GPC6: variants seen among roughly 807,000 people sequenced by gnomAD.
GPC6 encodes glypican 6, also known as glypican-6.
A neutral mutation model predicts 55.2 loss-of-function variants in GPC6; 14 were observed. The observed-to-expected ratio is 0.25, with a 90% confidence interval of 0.17 to 0.40. The LOEUF (loss-of-function observed/expected upper bound fraction) is 0.40, where lower values mean the gene tolerates loss of function less well. Among genes scored for constraint, GPC6 ranks in the 10% least tolerant of loss-of-function variants. The pLI, the probability that GPC6 is intolerant of heterozygous loss-of-function variation, is 1.00. For synonymous variants in GPC6, 278 were observed against 259.6 expected (o/e 1.07, Z -0.68); for missense variants, 641 against 708.5 (o/e 0.90, Z 1.08).
At position 93,227,667 on chromosome 13, in the gene GPC6, G is replaced by T. The variant is rs376397086; in HGVS notation, c.160+51G>T. The T allele has an allele frequency of 4.1e-6, 6 of 1,468,316 alleles. No homozygotes were observed. In the African/African-American group the frequency reaches 8.4e-5, roughly 20 times the overall value. 91.0% of individuals were successfully genotyped at this position (1,468,316 alleles called of 1,614,324 possible). On this transcript the variant is annotated intron_variant, in intron 1 of 8. Transcript: ENST00000377047. The surrounding 1 kb of genome is among the most constrained non-coding windows in gnomAD (Gnocchi z 4.3). Reference sequence around the variant, plus strand: ...AGGCTGCAGCCCTCGGCTGCCGCACGTCCCACTGGCCGCCCGGCGTCCCCT... The same window carrying T: ...AGGCTGCAGCCCTCGGCTGCCGCACTTCCCACTGGCCGCCCGGCGTCCCCT...
chr13:93,405,505 A>G (rs1876252519), intron 1 of GPC6, among the ~76,000 whole-genome samples: 1 of 152,174 alleles, frequency 6.6e-6, no homozygotes, highest in Admixed American at 6.6e-5. Context: ...TCCAGGTGGA[A>G]TGTTCTTAGT....
At chr13:93,348,753 C>T in intron 1 of GPC6, among the ~76,000 whole-genome samples, 1 of 152,138 alleles carries the variant, frequency 6.6e-6, no homozygotes, top group East Asian at 1.9e-4. Flanking sequence ...AACATTCTGT[C>T]ATACTAACTT....
chr13:94,159,202 T>G (rs563569686), intron 4 of GPC6, among the ~76,000 whole-genome samples: 1 of 152,150 alleles, frequency 6.6e-6, no homozygotes, highest in Non-Finnish European at 1.5e-5. Context: ...ATATCACTCA[T>G]TCTTTCTGAG....
chr13:94,115,784 A>C (rs150629159), intron 4 of GPC6, among the ~76,000 whole-genome samples: 268 of 152,240 alleles, frequency 1.8e-3, no homozygotes, highest in African/African-American at 6.3e-3. Context: ...AAACTGTAAA[A>C]ATTAGACATT....
intron 4 of GPC6, among the ~76,000 whole-genome samples, chr13:94,202,125 A>G (rs1889771321): frequency 6.6e-6 from 1 of 152,154 alleles, no homozygotes; most frequent in Non-Finnish European, 1.5e-5. Flanking sequence ...TACTCCTCAA[A>G]TGGATCATAA....
In GPC6 at chr13:94,201,589, A is replaced by T. The variant is rs180755624; in HGVS notation, c.878-84760A>T. On this transcript the variant is annotated intron_variant, in intron 4 of 8. Coordinates refer to ENST00000377047, the MANE Select transcript of GPC6 (RefSeq NM_005708.5). ...ATAAAATTAACAAATATATGTCATG[A>T]TCACCTAAATACTTGCATTTGGAAG... is the stretch of plus-strand genomic sequence containing the variant. Among the ~76,000 whole-genome samples the T allele has an allele frequency of 6.6e-5, 10 of 152,302 alleles. No individual in the cohort carries two copies. In the South Asian group the frequency reaches 1.4e-3, roughly 22 times the overall value.
At chr13:93,745,078 TCA>T (rs1341843355) in intron 2 of GPC6, among the ~76,000 whole-genome samples, 2 of 152,090 alleles carry the variant, frequency 1.3e-5, no homozygotes, top group Admixed American at 1.3e-4. Context: ...TTCCCCAGGC[TCA>T]CAGGTGAGTC....
chr13:93,676,513 C>T (rs941371286), intron 2 of GPC6, among the ~76,000 whole-genome samples: 17 of 152,034 alleles, frequency 1.1e-4, no homozygotes, highest in Non-Finnish European at 2.2e-4. Flanking sequence ...AGCTTGTGGG[C>T]AACTGAGGTA....
intron 3 of GPC6, among the ~76,000 whole-genome samples, chr13:93,895,234 GTATATATATATATA>G (rs60375718): frequency 0.052 from 5,680 of 108,244 alleles, 913 homozygotes; most frequent in African/African-American, 0.19. Flanking sequence ...GTGTGTGTGT[GTATATATATATATA>G]TATATATATA....
intron 4 of GPC6, among the ~76,000 whole-genome samples, chr13:94,275,340 T>C (rs895931896): frequency 5.3e-5 from 8 of 152,148 alleles, no homozygotes; most frequent in African/African-American, 1.9e-4. Context: ...AAAGCTTTTC[T>C]GAGACAGGGC....
chr13:93,737,718 A>G (rs899622569), intron 2 of GPC6, among the ~76,000 whole-genome samples: 1 of 152,002 alleles, frequency 6.6e-6, no homozygotes, highest in African/African-American at 2.4e-5. Flanking sequence ...AACAAATATA[A>G]TTTTTTATAA....
intron 4 of GPC6, among the ~76,000 whole-genome samples, chr13:94,111,140 T>A (rs1232967150): frequency 6.6e-6 from 1 of 152,142 alleles, no homozygotes; most frequent in Non-Finnish European, 1.5e-5. Flanking sequence ...TCTCTAAATA[T>A]CCTATTCATA....
At chr13:93,489,905 A>G (rs113341697) in intron 1 of GPC6, among the ~76,000 whole-genome samples, 5 of 151,592 alleles carry the variant, frequency 3.3e-5, no homozygotes, top group African/African-American at 1.2e-4. Context: ...CAATCATGTC[A>G]TCTGCAAACA....
chr13:93,505,472 GAGAA>G (rs1214505897), intron 1 of GPC6, among the ~76,000 whole-genome samples: 9 of 152,078 alleles, frequency 5.9e-5, no homozygotes, highest in African/African-American at 1.9e-4. Context: ...GAGAGAGAGA[GAGAA>G]AGAGAGATTA....
At chr13:93,373,255 C>T (rs1024666023) in intron 1 of GPC6, among the ~76,000 whole-genome samples, 1 of 152,098 alleles carries the variant, frequency 6.6e-6, no homozygotes, top group African/African-American at 2.4e-5. Flanking sequence ...GTTAATGCTT[C>T]GGTCTTTTTC....
chr13:93,304,853 TA>T (rs1296500176), intron 1 of GPC6, among the ~76,000 whole-genome samples: 1 of 152,158 alleles, frequency 6.6e-6, no homozygotes, highest in Non-Finnish European at 1.5e-5. Flanking sequence ...GGATTCTGAT[TA>T]AAATTGGCTG....
intron 2 of GPC6, among the ~76,000 whole-genome samples, chr13:93,786,775 CAGA>C (rs1248482896): frequency 1.3e-5 from 2 of 150,730 alleles, no homozygotes; most frequent in Non-Finnish European, 3.0e-5. Context: ...TATATATATG[CAGA>C]AGAAGAAGAG....
chr13:93,712,498 T>C (rs1347138173), intron 2 of GPC6, among the ~76,000 whole-genome samples: 1 of 151,696 alleles, frequency 6.6e-6, no homozygotes, highest in Non-Finnish European at 1.5e-5. Context: ...TAAGTGATAA[T>C]AATCTGATCA....
chr13:94,359,284 G>A (rs1182237419), intron 6 of GPC6, among the ~76,000 whole-genome samples: 1 of 151,096 alleles, frequency 6.6e-6, no homozygotes, highest in Non-Finnish European at 1.5e-5. Flanking sequence ...TCAAAAGACT[G>A]TTTAACTTTC....
Sources: gnomAD v4.1 joint callset for allele counts (sites outside exome capture counted in the v4.1 genomes callset) on GRCh38, gnomAD v4.1.1 for gene constraint, Gnocchi (gnomAD v3.1) non-coding constraint, MANE v1.5 for transcripts, NCBI Gene and HGNC (gene_info 2026-07-23, HGNC 2026-07-21) for gene names.